ATP2B4: variants seen among roughly 807,000 people sequenced by gnomAD.
The protein encoded by ATP2B4 is plasma membrane calcium-transporting ATPase 4.
In ATP2B4, 39 loss-of-function variants were observed where a neutral mutation model predicts 110.3. That is an observed-to-expected ratio of 0.35 (90% CI 0.27 to 0.46). The LOEUF is 0.46. Ranked by LOEUF, ATP2B4 falls within the 20% of genes least tolerant of loss-of-function variation. The probability of loss-of-function intolerance (pLI) is 1.00; values close to 1 mark genes in which losing one functional copy is unlikely to be tolerated. For synonymous variants in ATP2B4, 538 were observed against 571.7 expected (o/e 0.94, Z 0.84); for missense variants, 1,135 against 1,530.9 (o/e 0.74, Z 4.32).
chr1:203,673,485 C>G (rs530666324), intron 1 of ATP2B4, among the ~76,000 whole-genome samples: 1 of 152,254 alleles, frequency 6.6e-6, no homozygotes, highest in African/African-American at 2.4e-5. Context: ...TCCTGGCCAC[C>G]TTTTTTAATA....
chr1:203,682,214 C>G (rs1280715678), intron 1 of ATP2B4, among the ~76,000 whole-genome samples: 1 of 152,146 alleles, frequency 6.6e-6, no homozygotes, highest in Non-Finnish European at 1.5e-5. Flanking sequence ...CATCTTCTAT[C>G]AAGTTGTCTT....
At position 203,735,090 on chromosome 1, in the gene ATP2B4, AT is replaced by A. The variant is rs747506999; in HGVS notation, c.3310-4450del. ...AAATATACAAAAGAGTCAAAATAAC[AT>A]TTTTTCTTCATTTACTAAACTTTTA... On this transcript the variant is annotated intron_variant, in intron 20 of 20. Coordinates refer to ENST00000357681, the MANE Select transcript of ATP2B4 (RefSeq NM_001684.5). Among the ~76,000 whole-genome samples the A allele has an allele frequency of 7.2e-5, 11 of 151,852 alleles. No homozygotes were observed. In the South Asian group the frequency reaches 1.7e-3, roughly 23 times the overall value.
At chr1:203,731,868 AAAG>A (rs1396646458) in intron 20 of ATP2B4, among the ~76,000 whole-genome samples, 1 of 148,040 alleles carries the variant, frequency 6.8e-6, no homozygotes, top group African/African-American at 2.5e-5. Context: ...AAAAAAAAAA[AAAG>A]GAAGGAGGGA....
At position 203,703,281 on chromosome 1, in the gene ATP2B4, C is replaced by G. The variant is rs564448696; in HGVS notation, c.938-371C>G. On this transcript the variant is annotated intron_variant, in intron 7 of 20. Coordinates refer to ENST00000357681, the MANE Select transcript of ATP2B4 (RefSeq NM_001684.5). ...AGCCCCTTTCTGCAGTAAAGATTCA[C>G]TATTTTAAGCACTGAGTTCCAGGAA... 3.2e-4 allele frequency among the ~76,000 whole-genome samples: 49 copies of G among 152,240 alleles called. 1 individual carries two copies. The highest frequency in any genetic ancestry group is 1.1e-3 in the African/African-American group (47 of 41,530).
At position 203,646,242 on chromosome 1, in the gene ATP2B4, G is replaced by C. The variant is rs1166853859; in HGVS notation, c.-465+19023G>C. Among the ~76,000 whole-genome samples, 5 of 10,736 alleles carry C rather than the reference G, an allele frequency of 4.7e-4. No homozygotes were observed. In the Non-Finnish European group the frequency reaches 0.03, roughly 65 times the overall value. 7.0% of individuals were successfully genotyped at this position (10,736 alleles called of 152,430 possible). On this transcript the variant is annotated intron_variant, in intron 1 of 20. Coordinates refer to ENST00000357681, the MANE Select transcript of ATP2B4 (RefSeq NM_001684.5). ...CTTCCCTTTCAAAAAAAGAAAGTAA[G>C]GCTCAAGAGATAAAATACTTTTATC...
chr1:203,723,420 A>ATATCTCTCTC (rs1553251094), intron 18 of ATP2B4, among the ~76,000 whole-genome samples: 9 of 44,538 alleles, frequency 2.0e-4, no homozygotes, highest in African/African-American at 7.6e-4. Flanking sequence ...TGAGACAGAT[A>ATATCTCTCTC]TCTCTCTCTC....
chr1:203,721,658 T>C (rs559495699), intron 17 of ATP2B4, among the ~76,000 whole-genome samples: 549 of 134,124 alleles, frequency 4.1e-3, no homozygotes, highest in Non-Finnish European at 4.5e-3. Context: ...TTCTTTCTTT[T>C]TTTTTTTTTT....
At chr1:203,692,425 C>A (rs1171507398) in intron 2 of ATP2B4, among the ~76,000 whole-genome samples, 2 of 152,188 alleles carry the variant, frequency 1.3e-5, no homozygotes, top group African/African-American at 4.8e-5. Flanking sequence ...GCTATCCTCC[C>A]ACCTTGGCCT....
chr1:203,736,252 G>A (rs1558059056), intron 20 of ATP2B4, among the ~76,000 whole-genome samples: 1 of 152,102 alleles, frequency 6.6e-6, no homozygotes, highest in Non-Finnish European at 1.5e-5. Context: ...ATTACTTGAG[G>A]TCAGGAGTTC....
chr1:203,646,550 G>A (rs942693766), intron 1 of ATP2B4, among the ~76,000 whole-genome samples: 19 of 152,090 alleles, frequency 1.2e-4, no homozygotes, highest in African/African-American at 4.6e-4. Context: ...GATCACCTGA[G>A]GTCAGTGTTC....
intron 1 of ATP2B4, among the ~76,000 whole-genome samples, chr1:203,646,774 T>C (rs533320378): frequency 2.0e-5 from 3 of 151,692 alleles, no homozygotes; most frequent in Non-Finnish European, 4.4e-5. Flanking sequence ...AAAAAATAAA[T>C]AAAAATAAAA....
At chr1:203,664,470 G>C (rs1415531666) in intron 1 of ATP2B4, among the ~76,000 whole-genome samples, 3 of 152,202 alleles carry the variant, frequency 2.0e-5, no homozygotes, top group African/African-American at 7.2e-5. Flanking sequence ...CATGAAAAAA[G>C]TAATAATCCT....
intron 1 of ATP2B4, among the ~76,000 whole-genome samples, chr1:203,633,370 G>A (rs533888693): frequency 3.6e-4 from 55 of 152,318 alleles, no homozygotes; most frequent in African/African-American, 1.1e-3. Flanking sequence ...CAGGGCAGGA[G>A]GATCGCTGGA....
chr1:203,634,712 G>T (rs1663384631), intron 1 of ATP2B4, among the ~76,000 whole-genome samples: 1 of 152,040 alleles, frequency 6.6e-6, no homozygotes, highest in South Asian at 2.1e-4. Flanking sequence ...TCATCCAGCT[G>T]GAGTGCAGTG....
intron 1 of ATP2B4, among the ~76,000 whole-genome samples, chr1:203,631,093 C>T (rs1384042988): frequency 6.6e-6 from 1 of 152,216 alleles, no homozygotes; most frequent in African/African-American, 2.4e-5. Flanking sequence ...CCTACATGAA[C>T]TTGAGTTGAG....
At chr1:203,681,956 T>C (rs1005345462) in intron 1 of ATP2B4, among the ~76,000 whole-genome samples, 40 of 145,946 alleles carry the variant, frequency 2.7e-4, no homozygotes, top group Non-Finnish European at 5.1e-4. Context: ...AAGTTCACCC[T>C]GCGTCACCAA....
intron 1 of ATP2B4, among the ~76,000 whole-genome samples, chr1:203,641,627 T>G (rs1663632249): frequency 6.6e-6 from 1 of 152,164 alleles, no homozygotes; most frequent in Non-Finnish European, 1.5e-5. Flanking sequence ...TTAATATACA[T>G]TATCTGTAAT....
At chr1:203,678,071 C>T (rs1479434177) in intron 1 of ATP2B4, among the ~76,000 whole-genome samples, 3 of 152,226 alleles carry the variant, frequency 2.0e-5, no homozygotes, top group Non-Finnish European at 4.4e-5. Flanking sequence ...AGTGCTGCAG[C>T]AGCCTGAAGC....
At chr1:203,631,955 G>T (rs542867594) in intron 1 of ATP2B4, among the ~76,000 whole-genome samples, 1 of 151,846 alleles carries the variant, frequency 6.6e-6, no homozygotes, top group South Asian at 2.1e-4. Flanking sequence ...CCACCACACC[G>T]GCTAATTTTT....
Sources: gnomAD v4.1 joint callset for allele counts (sites outside exome capture counted in the v4.1 genomes callset) on GRCh38, gnomAD v4.1.1 for gene constraint, MANE v1.5 for transcripts, NCBI Gene and HGNC (gene_info 2026-07-23, HGNC 2026-07-21) for gene names.